Variants in RNF168 observed in about 807,000 individuals in gnomAD.
RNF168 encodes ring finger protein 168.
Under a neutral mutation model 34.9 loss-of-function variants are expected in RNF168, and 34 were observed. That is an observed-to-expected ratio of 0.97 (90% confidence interval 0.74 to 1.30). The LOEUF is 1.30. RNF168 is among the 50% of genes most tolerant of loss of function. RNF168 has a pLI of 0.00. For missense variants in RNF168, 725 were observed against 682.5 expected (o/e 1.06, Z -0.69); for synonymous variants, 264 against 254.7 (o/e 1.04, Z -0.35).
At chr3:196,481,522 A>G (rs929637090) in intron 4 of RNF168, among the ~76,000 whole-genome samples, 1 of 152,142 alleles carries the variant, frequency 6.6e-6, no homozygotes, top group African/African-American at 2.4e-5. Flanking sequence ...ATCCTTCAAC[A>G]GGTTAAGAAA....
intron 4 of RNF168, 152 bp downstream of exon 4, chr3:196,483,618 T>A (rs1472855994): frequency 3.0e-6 from 2 of 669,776 alleles, no homozygotes; most frequent in Non-Finnish European, 5.4e-6. Flanking sequence ...GCTGTGTGAG[T>A]AGCTCTCTCC....
rs1436652071 is a variant in RNF168, at chr3:196,483,876, C to T, written c.574G>A (p.Gly192Arg). The change falls in exon 4 of 6, where the codon GGA (glycine) becomes AGA (arginine). Residue 192 changes from glycine to arginine, a missense_variant. Transcript: ENST00000318037. Reference sequence around the variant, plus strand: ...TTCAAGGGAGAAGCCGAGATACTTCCCTCACAGAAATTGTTCTTCAACAAT... The same window carrying T: ...TTCAAGGGAGAAGCCGAGATACTTCTCTCACAGAAATTGTTCTTCAACAAT... The part of the protein sequence containing the change: ...LSIDINNFCE[G>R]SISASPLNSR... The T allele has an allele frequency of 6.2e-7, 1 of 1,608,738 alleles. No homozygotes were observed. Among genetic ancestry groups the T allele is most frequent in the Non-Finnish European group, 8.5e-7 (1 of 1,175,270 alleles).
At chr3:196,497,072 G>T (rs1473962376) in intron 1 of RNF168, among the ~76,000 whole-genome samples, 1 of 151,996 alleles carries the variant, frequency 6.6e-6, no homozygotes, top group African/African-American at 2.4e-5. Context: ...CTTGAACCTG[G>T]GAGGCAGAGG....
intron 2 of RNF168, among the ~76,000 whole-genome samples, chr3:196,488,277 C>G (rs1165241180): frequency 6.6e-6 from 1 of 151,980 alleles, no homozygotes; most frequent in Admixed American, 6.6e-5. Context: ...GTCAGGAGAT[C>G]GAGACCATCC....
chr3:196,481,118 A>G (rs5016648), intron 4 of RNF168, among the ~76,000 whole-genome samples: 113,191 of 152,174 alleles, frequency 0.74, 43,891 homozygotes, highest in African/African-American at 0.93. Flanking sequence ...TTCTACATAG[A>G]TAATTATACC....
chr3:196,494,426 A>C (rs1732687037), intron 1 of RNF168, among the ~76,000 whole-genome samples: 1 of 152,202 alleles, frequency 6.6e-6, no homozygotes, highest in East Asian at 1.9e-4. Context: ...TGAAGGAAAA[A>C]TTCAAGTTAG....
In RNF168 at chr3:196,489,332, G is replaced by GTGT. The variant is rs1553862626; in HGVS notation, c.302-650_302-649insACA. Among the ~76,000 whole-genome samples the GTGT allele has an allele frequency of 2.9e-3, 416 of 141,074 alleles. 23 individuals are homozygous for GTGT. In the South Asian group the frequency reaches 0.075, roughly 26 times the overall value. The allele number at this position is 141,074 out of a possible 152,430, so 92.6% of individuals were successfully genotyped here. On this transcript the variant is annotated intron_variant, in intron 1 of 5. Coordinates refer to ENST00000318037, the MANE Select transcript of RNF168 (RefSeq NM_152617.4). Reference sequence around the variant, plus strand: ...GGAGGTTAACTGATTAAAAAAAAATGTTTTTTTTTTTTGAGACAGAGTCTT... The same window carrying GTGT: ...GGAGGTTAACTGATTAAAAAAAAATGTGTTTTTTTTTTTTTGAGACAGAGTCTT...
intron 4 of RNF168, among the ~76,000 whole-genome samples, 160 bp downstream of exon 4, chr3:196,483,610 T>C (rs576228321): frequency 5.1e-4 from 77 of 152,372 alleles, no homozygotes; most frequent in African/African-American, 1.8e-3. Flanking sequence ...AAGAGGAAGC[T>C]GTGTGAGTAG....
At chr3:196,500,868 T>G (rs373946590) in intron 1 of RNF168, among the ~76,000 whole-genome samples, 1 of 149,796 alleles carries the variant, frequency 6.7e-6, no homozygotes, top group Non-Finnish European at 1.5e-5. Context: ...CGTGCCAACA[T>G]GCCCGGCTAA....
At position 196,471,229 on chromosome 3, in the gene RNF168, A is replaced by AAAAAC. The variant is rs1731995826; in HGVS notation, c.*589_*590insGTTTT. 4 of 142,268 alleles carry AAAAAC rather than the reference A, an allele frequency of 2.8e-5. No individual in the cohort carries two copies. The highest frequency in any genetic ancestry group is 7.0e-5 in the Admixed American group (1 of 14,290). The allele number at this position is 142,268 out of a possible 1,614,324, so 8.8% of individuals were successfully genotyped here. ...AAAAAAAAAAAAAAAAAAAAAAAAAATCTGGGATTTCCCACATATGAATAT... is the reference window on the plus strand; with the variant it reads ...AAAAAAAAAAAAAAAAAAAAAAAAAAAAAACTCTGGGATTTCCCACATATGAATAT... On this transcript the variant is annotated 3_prime_UTR_variant, in exon 6 of 6. Transcript: ENST00000318037.
Position 196,471,852 on chromosome 3 carries a change from A to G in RNF168, c.1683T>C (p.Ser561=). The G allele has an allele frequency of 1.2e-6, 2 of 1,613,878 alleles. No individual in the cohort carries two copies. Residue 561 remains serine, a synonymous_variant, in exon 6 of 6, where the codon AGT becomes AGC. Coordinates refer to ENST00000318037, the MANE Select transcript of RNF168 (RefSeq NM_152617.4). The stretch of plus-strand genomic sequence containing the variant: ...TGCATCTCTGAAACATCTGAAAAAC[A>G]CTTTTCTGTGAAATGCTAGGCTGTA... ...HSLQPSISQK[S]VFQMFQRCTK
intron 4 of RNF168, among the ~76,000 whole-genome samples, chr3:196,477,060 T>C (rs1314913100): frequency 6.6e-6 from 1 of 152,206 alleles, no homozygotes; most frequent in African/African-American, 2.4e-5. Context: ...ATCTTTACAT[T>C]TCTAAGAATC....
chr3:196,488,834 T>C, intron 1 of RNF168, 151 bp from the exon 2 acceptor site: 3 of 407,566 alleles, frequency 7.4e-6, no homozygotes, highest in Non-Finnish European at 1.3e-5. Context: ...ATTTATTTTA[T>C]TTATTTATTT....
intron 4 of RNF168, among the ~76,000 whole-genome samples, chr3:196,477,989 T>TG (rs1296245973): frequency 6.6e-6 from 1 of 152,104 alleles, no homozygotes; most frequent in Admixed American, 6.5e-5. Context: ...AAGGCTGAGG[T>TG]GGGAGGATCG....
chr3:196,491,905 T>C (rs1732606419), intron 1 of RNF168, among the ~76,000 whole-genome samples: 1 of 151,818 alleles, frequency 6.6e-6, no homozygotes, highest in Admixed American at 6.6e-5. Context: ...CTGTGTGGGG[T>C]TCCACTCGTA....
chr3:196,485,782 A>G (rs998585974), intron 3 of RNF168, among the ~76,000 whole-genome samples: 8 of 89,394 alleles, frequency 8.9e-5, no homozygotes, highest in African/African-American at 3.4e-4. Flanking sequence ...ATATACATAT[A>G]TATTTTTTTA....
Position 196,471,825 on chromosome 3 carries a change from T to C in RNF168, c.1710A>G (p.Thr570=). The change falls in exon 6 of 6, where the codon ACA becomes ACG. Residue 570 remains threonine, a synonymous_variant. Transcript: ENST00000318037. ...KSVFQMFQRC[T]K ...GCACTCCCTTTACCAGGCCTTACTT[T>C]GTGCATCTCTGAAACATCTGAAAAA... 6.2e-7 allele frequency: 1 copy of C among 1,607,326 alleles called. No individual in the cohort carries two copies. The highest frequency in any genetic ancestry group is 8.5e-7 in the Non-Finnish European group (1 of 1,173,722).
At chr3:196,484,564 C>G (rs2108649087) in intron 3 of RNF168, among the ~76,000 whole-genome samples, 1 of 149,950 alleles carries the variant, frequency 6.7e-6, no homozygotes, top group African/African-American at 2.5e-5. Flanking sequence ...TCCTTGCAAC[C>G]TTGACCTCCC....
chr3:196,480,609 A>C (rs1309583347), intron 4 of RNF168, among the ~76,000 whole-genome samples: 4 of 152,210 alleles, frequency 2.6e-5, no homozygotes, highest in Non-Finnish European at 5.9e-5. Context: ...TGAATATTGT[A>C]TATTTAATAT....
Sources: gnomAD v4.1 joint callset for allele counts (sites outside exome capture counted in the v4.1 genomes callset) on GRCh38, gnomAD v4.1.1 for gene constraint, MANE v1.5 for transcripts, NCBI Gene and HGNC (gene_info 2026-07-23, HGNC 2026-07-21) for gene names.